Variants in GRAMD1C observed in about 807,000 individuals in gnomAD.
GRAMD1C encodes protein Aster-C.
In GRAMD1C, 89 loss-of-function variants were observed where a neutral mutation model predicts 97.8. That is an observed-to-expected ratio of 0.91 (90% CI 0.77 to 1.09). The LOEUF (loss-of-function observed/expected upper bound fraction) is 1.09, where lower values mean the gene tolerates loss of function less well. Ranked by LOEUF, GRAMD1C falls within the 50% of genes least tolerant of loss-of-function variation. The pLI is 0.00. For missense variants in GRAMD1C, 740 were observed against 766.4 expected, an observed-to-expected ratio of 0.97 and a Z score of 0.41; for synonymous variants, 256 against 267.0, an observed-to-expected ratio of 0.96 and a Z score of 0.40.
At chr3:113,882,872 C>A in intron 6 of GRAMD1C, 40 bp downstream of exon 6, 1 of 927,360 alleles carries the variant, frequency 1.1e-6, no homozygotes. Context: ...ATTATAAGAA[C>A]CTCCTAGTGT....
intron 1 of GRAMD1C, 32 bp downstream of exon 1, chr3:113,838,968 C>A (rs755890885): frequency 8.1e-7 from 1 of 1,230,896 alleles, no homozygotes; most frequent in South Asian, 4.1e-5. Flanking sequence ...GGCAGGTTCC[C>A]ATCTGTGGCT....
At chr3:113,943,303 GCTTT>G (rs745629961) in intron 17 of GRAMD1C, among the ~76,000 whole-genome samples, 4 of 152,080 alleles carry the variant, frequency 2.6e-5, no homozygotes, top group African/African-American at 4.8e-5. Flanking sequence ...ATCTAATCTT[GCTTT>G]CTTTAAAACC....
At chr3:113,865,743 T>A (rs1171582089) in intron 2 of GRAMD1C, among the ~76,000 whole-genome samples, 1 of 152,192 alleles carries the variant, frequency 6.6e-6, no homozygotes, top group African/African-American at 2.4e-5. Context: ...CAGTCTCTTA[T>A]CCTTTCTTCT....
At chr3:113,904,047 G>A in intron 7 of GRAMD1C, 93 bp from the exon 8 acceptor site, 4 of 870,966 alleles carry the variant, frequency 4.6e-6, no homozygotes, top group Non-Finnish European at 7.3e-6. Flanking sequence ...TTATCAAACT[G>A]TTTTATCATA....
chr3:113,875,630 T>G (rs552214467), intron 4 of GRAMD1C, 43 bp downstream of exon 4: 2 of 849,578 alleles, frequency 2.4e-6, no homozygotes, highest in Admixed American at 3.4e-5. Flanking sequence ...AATAATTGCA[T>G]AGAGATATAT....
chr3:113,829,151 A>C (rs888054067), intron 1 of GRAMD1C, among the ~76,000 whole-genome samples: 1 of 152,174 alleles, frequency 6.6e-6, no homozygotes, highest in African/African-American at 2.4e-5. Flanking sequence ...GGCTGGGTGC[A>C]GTGGCTCACA....
chr3:113,856,526 T>TGTAC (rs1934134931), intron 2 of GRAMD1C, among the ~76,000 whole-genome samples: 1 of 149,526 alleles, frequency 6.7e-6, no homozygotes, highest in Non-Finnish European at 1.5e-5. Context: ...TATTTCTTTA[T>TGTAC]GTATGTATGT....
chr3:113,841,443 G>A (rs1250466867), intron 1 of GRAMD1C, among the ~76,000 whole-genome samples: 6 of 151,328 alleles, frequency 4.0e-5, no homozygotes, highest in East Asian at 2.0e-4. Flanking sequence ...GTACCACCAC[G>A]CCCAGCTAAT....
At chr3:113,927,749 C>T (rs1937276170) in intron 10 of GRAMD1C, among the ~76,000 whole-genome samples, 1 of 152,170 alleles carries the variant, frequency 6.6e-6, no homozygotes, top group South Asian at 2.1e-4. Context: ...CCTGGGGCAA[C>T]AGGAAGCTGT....
intron 2 of GRAMD1C, among the ~76,000 whole-genome samples, chr3:113,868,663 C>A (rs2107367785): frequency 6.6e-6 from 1 of 152,254 alleles, no homozygotes; most frequent in South Asian, 2.1e-4. Flanking sequence ...CTTCTATTGA[C>A]AGATCTGTGT....
chr3:113,924,344 A>G (rs1235183664), intron 10 of GRAMD1C, among the ~76,000 whole-genome samples: 1 of 151,692 alleles, frequency 6.6e-6, no homozygotes, highest in African/African-American at 2.4e-5. Context: ...TTGTTTTTCT[A>G]GTTCCTCTAG....
intron 17 of GRAMD1C, among the ~76,000 whole-genome samples, chr3:113,943,475 A>AC (rs1420713360): frequency 6.6e-6 from 1 of 152,070 alleles, no homozygotes; most frequent in Admixed American, 6.6e-5. Context: ...ACTCCCCCTG[A>AC]CCCCTGGCAC....
intron 8 of GRAMD1C, among the ~76,000 whole-genome samples, chr3:113,905,683 G>C (rs377103733): frequency 6.6e-6 from 1 of 151,808 alleles, no homozygotes; most frequent in Non-Finnish European, 1.5e-5. Flanking sequence ...TGCATATGTG[G>C]TGGTGGTCTC....
intron 6 of GRAMD1C, among the ~76,000 whole-genome samples, chr3:113,894,364 C>T (rs542858949): frequency 4.6e-5 from 7 of 151,930 alleles, no homozygotes; most frequent in East Asian, 1.9e-4. Context: ...CTGCAACCTC[C>T]GCCTCCTAGG....
intron 2 of GRAMD1C, among the ~76,000 whole-genome samples, chr3:113,849,568 C>G (rs534324994): frequency 1.3e-5 from 2 of 151,944 alleles, no homozygotes; most frequent in Admixed American, 6.6e-5. Flanking sequence ...CCATTCAACC[C>G]TGAGTGGACA....
chr3:113,930,282 A>G lies in GRAMD1C; in HGVS notation c.1091-432A>G, dbSNP rs182337932. 7.9e-5 allele frequency among the ~76,000 whole-genome samples: 12 copies of G among 152,318 alleles called. No individual in the cohort carries two copies. The East Asian group carries it at 1.5e-3, about 20-fold the overall frequency. On this transcript the variant is annotated intron_variant, in intron 10 of 17. Transcript: ENST00000358160. ...ATTGACATAATTTCTATGTAAGTTGATATCAAGGTCATATGGTTTCTTAAT... is the reference window on the plus strand; with the variant it reads ...ATTGACATAATTTCTATGTAAGTTGGTATCAAGGTCATATGGTTTCTTAAT...
intron 2 of GRAMD1C, chr3:113,850,410 G>T: frequency 9.8e-7 from 1 of 1,017,060 alleles, no homozygotes; most frequent in Non-Finnish European, 1.6e-6. Context: ...TCACCCTCCA[G>T]ACCTTTAGGC....
At chr3:113,858,063 G>T (rs1413875555) in intron 2 of GRAMD1C, among the ~76,000 whole-genome samples, 3 of 152,086 alleles carry the variant, frequency 2.0e-5, no homozygotes, top group African/African-American at 7.2e-5. Flanking sequence ...AGATTGTATA[G>T]AATTAATTTT....
At chr3:113,841,417 C>T (rs1026661817) in intron 1 of GRAMD1C, among the ~76,000 whole-genome samples, 10 of 151,236 alleles carry the variant, frequency 6.6e-5, no homozygotes, top group African/African-American at 1.9e-4. Flanking sequence ...TCCCAAGTAG[C>T]TGGGATTACA....
Sources: allele counts gnomAD v4.1 joint callset (sites outside exome capture counted in the v4.1 genomes callset), GRCh38; gene constraint gnomAD v4.1.1; transcripts MANE v1.5; gene names NCBI Gene and HGNC (gene_info 2026-07-23, HGNC 2026-07-21).